KIF23: variants seen among roughly 807,000 people sequenced by gnomAD.
KIF23 encodes the protein kinesin-like protein KIF23.
In KIF23, 30 loss-of-function variants were observed where a neutral mutation model predicts 137.5. That is an observed-to-expected ratio of 0.22 (90% CI 0.16 to 0.30). KIF23 has a LOEUF of 0.30. KIF23 is among the 10% of genes least tolerant of loss of function. The probability of loss-of-function intolerance (pLI) is 1.00; values close to 1 mark genes in which losing one functional copy is unlikely to be tolerated. For missense variants in KIF23, 920 were observed against 1,194.3 expected, an observed-to-expected ratio of 0.77 and a Z score of 3.38; for synonymous variants, 367 against 391.1, an observed-to-expected ratio of 0.94 and a Z score of 0.73.
intron 19 of KIF23, among the ~76,000 whole-genome samples, chr15:69,442,078 G>A (rs1417959268): frequency 2.0e-5 from 3 of 151,990 alleles, no homozygotes; most frequent in Non-Finnish European, 4.4e-5. Context: ...TTCAATCCAT[G>A]ATACTATGAA....
rs1215465739 is a variant in KIF23, at chr15:69,414,493, C to G, written c.11+17C>G. 1.9e-6 allele frequency: 3 copies of G among 1,573,952 alleles called. No individual in the cohort carries two copies. The highest frequency in any genetic ancestry group is 1.7e-6 in the Non-Finnish European group (2 of 1,159,532). On this transcript the variant is annotated intron_variant, in intron 1 of 23. Transcript: ENST00000679126. Reference sequence around the variant, plus strand: ...GAAGTCAGCGTGAGTACGAGGCCGCCGAGCAGGGAGAGAGGGCGGACGGGG... The same window carrying G: ...GAAGTCAGCGTGAGTACGAGGCCGCGGAGCAGGGAGAGAGGGCGGACGGGG...
chr15:69,423,285 A>G lies in KIF23; in HGVS notation c.690A>G (p.Ile230Met), dbSNP rs199679829. The change falls in exon 7 of 24, where the codon ATA becomes ATG. Residue 230 changes from isoleucine (I) to methionine (M), a missense_variant. Ile to Met is a conservative substitution (Grantham distance 10). This residue lies in a region of KIF23 where 714 missense variants were observed against 866.2 expected (regional missense o/e 0.82). Coordinates refer to ENST00000679126, the MANE Select transcript of KIF23 (RefSeq NM_001367805.3). ...ATATTGAAATATATAATAATTACAT[A>G]TATGATCTATTGGAAGAGGTGCCGT... ...VSYIEIYNNY[I>M]YDLLEEVPFD... The G allele has an allele frequency of 5.8e-4, 921 of 1,582,852 alleles. 10 individuals carry two copies. The South Asian group carries it at 6.4e-3, about 11-fold the overall frequency.
rs1217219974 is a variant in KIF23, at chr15:69,435,679, A to G, written c.1222A>G (p.Thr408Ala). 10 of 1,614,066 alleles carry G rather than the reference A, an allele frequency of 6.2e-6. No individual in the cohort carries two copies. Among genetic ancestry groups the G allele is most frequent in the Non-Finnish European group, 8.5e-6 (10 of 1,180,012 alleles). ...KMVPYRDSKL[T>A]HLFKNYFDGE... ...GGTTCCATATCGAGATTCAAAGTTA[A>G]CCCATCTGTTCAAGAACTACTTTGA... Residue 408 changes from threonine to alanine, a missense_variant, in exon 13 of 24, where the codon ACC becomes GCC. By Grantham distance (58) the Thr-to-Ala change is moderately conservative. Transcript: ENST00000679126.
chr15:69,431,949 A>G (rs2057365386), intron 11 of KIF23, among the ~76,000 whole-genome samples: 1 of 152,202 alleles, frequency 6.6e-6, no homozygotes, highest in Admixed American at 6.5e-5. Flanking sequence ...TGTCTGAATC[A>G]TTTGAATTTC....
intron 11 of KIF23, among the ~76,000 whole-genome samples, chr15:69,433,883 A>G (rs2057411693): frequency 6.6e-6 from 1 of 152,160 alleles, no homozygotes; most frequent in African/African-American, 2.4e-5. Flanking sequence ...TTAATTGTTC[A>G]CTTATTAAGT....
At chr15:69,422,607 G>A (rs754533629) in intron 6 of KIF23, among the ~76,000 whole-genome samples, 172 bp downstream of exon 6, 9 of 152,164 alleles carry the variant, frequency 5.9e-5, no homozygotes, top group Non-Finnish European at 1.3e-4. Flanking sequence ...TTGGCTTTGA[G>A]CACATTTTGT....
At chr15:69,424,453 T>C (rs1472894171) in intron 7 of KIF23, among the ~76,000 whole-genome samples, 2 of 152,192 alleles carry the variant, frequency 1.3e-5, no homozygotes, top group African/African-American at 4.8e-5. Flanking sequence ...CCTTGGAATG[T>C]TGGTAATAGT....
chr15:69,436,577 T>G lies in KIF23; in HGVS notation c.1452T>G (p.Thr484=). 3 of 1,607,806 alleles carry G rather than the reference T, an allele frequency of 1.9e-6. No homozygotes were observed. Among genetic ancestry groups the G allele is most frequent in the Non-Finnish European group, 2.5e-6 (3 of 1,177,524 alleles). The part of the protein sequence containing the change: ...RGPVGNEPLV[T]DVVLQSFPPL... The stretch of plus-strand genomic sequence containing the variant: ...AATTCAATACAGAACCATTGGTTAC[T>G]GACGTGGTTTTGCAGAGTTTTCCAC... Residue 484 remains threonine, a synonymous_variant, in exon 15 of 24, where the codon ACT becomes ACG. Transcript: ENST00000679126.
intron 3 of KIF23, among the ~76,000 whole-genome samples, chr15:69,421,152 G>A (rs2057043258): frequency 6.6e-6 from 1 of 152,168 alleles, no homozygotes; most frequent in Non-Finnish European, 1.5e-5. Context: ...CAGCACTTTG[G>A]AAGGCTGAGG....
rs778232202 is a variant in KIF23, at chr15:69,444,946, G to A, written c.2578G>A (p.Val860Ile). The change falls in exon 20 of 24, where the codon GTT becomes ATT. Residue 860 changes from valine to isoleucine, a missense_variant. This residue lies in a region of KIF23 where 75 missense variants were observed against 177.9 expected (regional missense o/e 0.42). Coordinates refer to ENST00000679126, the MANE Select transcript of KIF23 (RefSeq NM_001367805.3). This position sits in a 1 kb window ranked among gnomAD's most constrained non-coding sequence, Gnocchi z 4.2. ...PHVPHAITVS[V>I]ANEKALAKCE... is the part of the protein sequence containing the mutation. ...TGTCCCTCATGCCATCACAGTATCT[G>A]TTGCAAATGAAAAGGCACTAGCTAA... 8.7e-6 allele frequency: 14 copies of A among 1,614,016 alleles called. No homozygotes were observed. In the Admixed American group the frequency reaches 1.0e-4, roughly 12 times the overall value.
chr15:69,434,490 ATC>A, intron 11 of KIF23: 1 of 647,892 alleles, frequency 1.5e-6, no homozygotes, highest in East Asian at 2.7e-5. Flanking sequence ...TCCACCTTCA[ATC>A]TCATACTGAC....
At chr15:69,426,602 T>C in intron 10 of KIF23, 145 bp downstream of exon 10, 3 of 769,442 alleles carry the variant, frequency 3.9e-6, no homozygotes, top group Non-Finnish European at 6.3e-6. Flanking sequence ...ACTCCTGTAA[T>C]CCCAGCTACT....
At chr15:69,436,757 A>AT (rs753024350) in intron 15 of KIF23, 35 bp downstream of exon 15, 320 of 1,358,746 alleles carry the variant, frequency 2.4e-4, no homozygotes, top group Non-Finnish European at 2.8e-4. Context: ...ATTTTATTTA[A>AT]TTATTTTTTT....
intron 21 of KIF23, 78 bp from the exon 22 acceptor site, chr15:69,446,205 T>C (rs776191069): frequency 8.4e-6 from 12 of 1,422,034 alleles, no homozygotes; most frequent in Non-Finnish European, 1.1e-5. Flanking sequence ...GGGATGTAGA[T>C]AGTATTCCCC....
intron 1 of KIF23, 150 bp from the exon 2 acceptor site, chr15:69,415,844 A>T: frequency 1.7e-6 from 1 of 572,780 alleles, no homozygotes; most frequent in Middle Eastern, 4.2e-4. Context: ...TGCTACTATG[A>T]TTATTAATGT....
At position 69,423,192 on chromosome 15, in the gene KIF23, A is replaced by G; in HGVS notation, c.597A>G (p.Ile199Met). 1 of 1,602,754 alleles carries G rather than the reference A, an allele frequency of 6.2e-7. No individual in the cohort carries two copies. The highest frequency in any genetic ancestry group is 1.1e-5 in the South Asian group (1 of 89,548). Residue 199 changes from isoleucine to methionine, a missense_variant, in exon 7 of 24, where the codon ATA becomes ATG. Physicochemically the swap from Ile to Met is conservative, Grantham distance 10. Transcript: ENST00000679126. Reference sequence around the variant, plus strand: ...TAGATCCAGAGTTTGCAGATATGATAACTGTACAAGAATTCTGCAAAGCAG... The same window carrying G: ...TAGATCCAGAGTTTGCAGATATGATGACTGTACAAGAATTCTGCAAAGCAG... The part of the protein sequence containing the change: ...RQVDPEFADM[I>M]TVQEFCKAEE...
Position 69,448,388 on chromosome 15 carries a change from T to G in KIF23, c.*581T>G, listed in dbSNP as rs1287235119. 1 of 152,414 alleles carries G rather than the reference T, an allele frequency of 6.6e-6. No homozygotes were observed. The highest frequency in any genetic ancestry group is 1.5e-5 in the Non-Finnish European group (1 of 68,046). The allele number at this position is 152,414 out of a possible 1,614,324, so 9.4% of individuals were successfully genotyped here. A position where few individuals can be genotyped will look rare whatever the true frequency, so the allele number is the denominator to read the frequency against. ...ATATATTCACTTTCTGACATTTAGATATGCCAAAAGAATTAAAATCAAAAG... is the reference window on the plus strand; with the variant it reads ...ATATATTCACTTTCTGACATTTAGAGATGCCAAAAGAATTAAAATCAAAAG... On this transcript the variant is annotated 3_prime_UTR_variant, in exon 24 of 24. Transcript: ENST00000679126.
chr15:69,440,637 T>C (rs1196173823), intron 18 of KIF23, 131 bp from the exon 19 acceptor site: 2 of 1,127,098 alleles, frequency 1.8e-6, no homozygotes, highest in Admixed American at 6.2e-5. Flanking sequence ...AAACACAAAT[T>C]TAGCACAAAA....
intron 11 of KIF23, among the ~76,000 whole-genome samples, chr15:69,429,808 C>G (rs1032971220): frequency 2.0e-5 from 3 of 151,972 alleles, no homozygotes; most frequent in Non-Finnish European, 4.4e-5. Flanking sequence ...ATCACTTGAG[C>G]CCAGGAGTTC....
Sources: gnomAD v4.1 joint callset for allele counts (sites outside exome capture counted in the v4.1 genomes callset) on GRCh38, gnomAD v4.1.1 for gene constraint, gnomAD v4.1.1 regional missense constraint, Gnocchi (gnomAD v3.1) non-coding constraint, MANE v1.5 for transcripts, NCBI Gene and HGNC (gene_info 2026-07-23, HGNC 2026-07-21) for gene names.